The following RAB11FIP3 variants were observed in gnomAD, a reference collection of about 807,000 sequenced individuals.
RAB11FIP3 encodes RAB11 family interacting protein 3.
Under a neutral mutation model 77.8 loss-of-function variants are expected in RAB11FIP3, and 17 were observed. The observed-to-expected ratio is 0.22, with a 90% CI of 0.15 to 0.33. The LOEUF (loss-of-function observed/expected upper bound fraction) is 0.33. Among genes scored for constraint, RAB11FIP3 ranks in the 10% least tolerant of loss-of-function variants. The pLI is 1.00. For synonymous variants in RAB11FIP3, 437 were observed against 448.2 expected, an observed-to-expected ratio of 0.98 and a Z score of 0.31; for missense variants, 1,005 against 1,011.2, an observed-to-expected ratio of 0.99 and a Z score of 0.08.
intron 2 of RAB11FIP3, among the ~76,000 whole-genome samples, chr16:467,220 G>T (rs117351205): frequency 6.6e-6 from 1 of 152,296 alleles, no homozygotes; most frequent in East Asian, 1.9e-4. Context: ...GGCTGCACCT[G>T]GCATGTTTGG....
chr16:466,701 T>C (rs1404499252), intron 2 of RAB11FIP3, among the ~76,000 whole-genome samples: 1 of 152,216 alleles, frequency 6.6e-6, no homozygotes, highest in Non-Finnish European at 1.5e-5. Context: ...TGTTTCTTAG[T>C]GGTTGCCCAG....
At position 486,333 on chromosome 16, in the gene RAB11FIP3, A is replaced by T. The variant is rs545919280; in HGVS notation, c.1116-2518A>T. On this transcript the variant is annotated intron_variant, in intron 4 of 13. Transcript: ENST00000262305. ...TTGGTAAAACCCCGTCTCTACTAAA[A>T]ATACAAAAACTAGCTGGGCCTGGTG... is the stretch of plus-strand genomic sequence containing the variant. Among the ~76,000 whole-genome samples the T allele has an allele frequency of 2.0e-5, 3 of 152,304 alleles. No homozygotes were observed. The East Asian group carries it at 5.8e-4, about 29-fold the overall frequency.
intron 1 of RAB11FIP3, chr16:451,362 C>A (rs3852766): frequency 6.6e-6 from 1 of 151,570 alleles, no homozygotes; most frequent in Non-Finnish European, 1.5e-5. Context: ...ACCCTCCCCA[C>A]GCTTCCCGTA....
chr16:483,587 T>C (rs879650329), intron 4 of RAB11FIP3, among the ~76,000 whole-genome samples: 3 of 152,192 alleles, frequency 2.0e-5, no homozygotes, highest in Non-Finnish European at 4.4e-5. Flanking sequence ...AATAGATTTC[T>C]TTGACATTTT....
At chr16:455,342 C>T (rs1359388350) in intron 1 of RAB11FIP3, among the ~76,000 whole-genome samples, 15 of 150,620 alleles carry the variant, frequency 1.0e-4, no homozygotes, top group African/African-American at 3.7e-4. Context: ...GGCGTGGTGG[C>T]ACGTGCCTGT....
At chr16:512,678 G>A (rs1370777832) in intron 9 of RAB11FIP3, among the ~76,000 whole-genome samples, 1 of 151,564 alleles carries the variant, frequency 6.6e-6, no homozygotes, top group Non-Finnish European at 1.5e-5. Context: ...CTGGTAGCTG[G>A]GGCTAGAGGC....
At chr16:448,608 C>T (rs2055355790) in intron 1 of RAB11FIP3, among the ~76,000 whole-genome samples, 2 of 151,688 alleles carry the variant, frequency 1.3e-5, no homozygotes, top group Admixed American at 6.6e-5. Flanking sequence ...TGGTGGCGGG[C>T]GCCTGTAGTC....
chr16:475,090 C>T, intron 3 of RAB11FIP3: 1 of 1,551,350 alleles, frequency 6.4e-7, no homozygotes, highest in Non-Finnish European at 8.7e-7. Context: ...CCCGGGCCAG[C>T]ATCTGAGGGT....
intron 1 of RAB11FIP3, among the ~76,000 whole-genome samples, chr16:437,632 A>C (rs978378710): frequency 2.6e-5 from 4 of 151,842 alleles, no homozygotes; most frequent in Non-Finnish European, 5.9e-5. Context: ...AAGAAGTGAT[A>C]AATGTTGAAG....
intron 7 of RAB11FIP3, 64 bp downstream of exon 7, chr16:503,161 C>A: frequency 7.5e-7 from 1 of 1,332,436 alleles, no homozygotes; most frequent in Non-Finnish European, 1.1e-6. Flanking sequence ...CGCCTAAGGG[C>A]CGCTGCAGAC....
chr16:438,098 T>C (rs760239184), intron 1 of RAB11FIP3, among the ~76,000 whole-genome samples: 5 of 151,492 alleles, frequency 3.3e-5, no homozygotes, highest in African/African-American at 7.3e-5. Flanking sequence ...CATCAGCCAC[T>C]GCGCCTGGCC....
chr16:521,108 C>G lies in RAB11FIP3; in HGVS notation c.*269C>G, dbSNP rs1465727479. 1.9e-6 allele frequency: 1 copy of G among 534,494 alleles called. No individual in the cohort carries two copies. Among genetic ancestry groups the G allele is most frequent in the Non-Finnish European group, 3.4e-6 (1 of 296,196 alleles). 33.1% of individuals were successfully genotyped at this position (534,494 alleles called of 1,614,324 possible). On this transcript the variant is annotated 3_prime_UTR_variant, in exon 14 of 14. Transcript: ENST00000262305. ...GGCAGGGCCGTCCATCAGCGCTGAC[C>G]TTCCGGGGGCCCAGAGCTTCCCAGC...
At chr16:519,167 C>A in intron 10 of RAB11FIP3, 143 bp downstream of exon 10, 1 of 822,956 alleles carries the variant, frequency 1.2e-6, no homozygotes, top group South Asian at 1.6e-5. Flanking sequence ...GGGCCCAGGC[C>A]GCTGGAAGAC....
rs1405013502 is a variant in RAB11FIP3, at chr16:522,268, A to G, written c.*1429A>G. The G allele has an allele frequency of 6.9e-6, 1 of 145,744 alleles. No homozygotes were observed. The highest frequency in any genetic ancestry group is 1.5e-5 in the Non-Finnish European group (1 of 66,534). The allele number at this position is 145,744 out of a possible 1,614,324, so 9.0% of individuals were successfully genotyped here. On this transcript the variant is annotated 3_prime_UTR_variant, in exon 14 of 14. Coordinates refer to ENST00000262305, the MANE Select transcript of RAB11FIP3 (RefSeq NM_014700.4). ...GAAATATATATATATATATATATATATATATGTATAATATATAAAGACTGG... is the reference window on the plus strand; with the variant it reads ...GAAATATATATATATATATATATATGTATATGTATAATATATAAAGACTGG...
rs1434353229 is a variant in RAB11FIP3, at chr16:502,763, G to C, written c.1302-241G>C. The C allele has an allele frequency of 5.5e-6, 3 of 550,200 alleles. No individual in the cohort carries two copies. The East Asian group carries it at 9.8e-5, about 18-fold the overall frequency. 34.1% of individuals were successfully genotyped at this position (550,200 alleles called of 1,614,324 possible). A position where few individuals can be genotyped will look rare whatever the true frequency, so the allele number is the denominator to read the frequency against. On this transcript the variant is annotated intron_variant, in intron 6 of 13. Coordinates refer to ENST00000262305, the MANE Select transcript of RAB11FIP3 (RefSeq NM_014700.4). ...GTCAGGTTCCAAAGAGCGCCAGGAAGACTCTGAGACCACAGAGCACGGCCT... is the reference window on the plus strand; with the variant it reads ...GTCAGGTTCCAAAGAGCGCCAGGAACACTCTGAGACCACAGAGCACGGCCT...
At position 426,504 on chromosome 16, in the gene RAB11FIP3, G is replaced by T; in HGVS notation, c.498G>T (p.Ala166=). 6.3e-7 allele frequency: 1 copy of T among 1,575,552 alleles called. No individual in the cohort carries two copies. Among genetic ancestry groups the T allele is most frequent in the Non-Finnish European group, 8.6e-7 (1 of 1,161,794 alleles). ...GEVDVFSPFP[A]PTAGELALEQ... is the part of the protein sequence containing the mutation. ...TCGACGTCTTCTCTCCCTTCCCCGC[G>T]CCCACGGCGGGCGAGCTGGCGCTGG... Residue 166 remains alanine, a synonymous_variant, in exon 1 of 14, where the codon GCG becomes GCT. Transcript: ENST00000262305. This position sits in a 1 kb window ranked among gnomAD's most constrained non-coding sequence, Gnocchi z 5.0.
At chr16:456,850 G>A (rs1205444775) in intron 1 of RAB11FIP3, among the ~76,000 whole-genome samples, 1 of 152,194 alleles carries the variant, frequency 6.6e-6, no homozygotes, top group African/African-American at 2.4e-5. Context: ...TTGTGTATAT[G>A]TTTAGCTGCT....
intron 1 of RAB11FIP3, among the ~76,000 whole-genome samples, chr16:459,467 C>T (rs1341314704): frequency 2.4e-5 from 3 of 122,982 alleles, no homozygotes; most frequent in Non-Finnish European, 3.3e-5. Context: ...GACAAATTCT[C>T]ATTTTGTAGC....
intron 9 of RAB11FIP3, among the ~76,000 whole-genome samples, chr16:511,471 C>A (rs914128759): frequency 9.6e-5 from 11 of 114,442 alleles, no homozygotes; most frequent in Admixed American, 4.8e-4. Context: ...CAGAACCTGC[C>A]GGCTAGGTAG....
Sources: allele counts gnomAD v4.1 joint callset (sites outside exome capture counted in the v4.1 genomes callset), GRCh38; gene constraint gnomAD v4.1.1; non-coding constraint Gnocchi (gnomAD v3.1); transcripts MANE v1.5; gene names NCBI Gene and HGNC (gene_info 2026-07-23, HGNC 2026-07-21).